Variants in SAMD3 observed in about 807,000 individuals in gnomAD.
SAMD3 encodes the protein sterile alpha motif domain containing 3.
In SAMD3, 63 loss-of-function variants were observed where a neutral mutation model predicts 58.5. The observed-to-expected ratio is 1.08, with a 90% CI of 0.88 to 1.33. The LOEUF (loss-of-function observed/expected upper bound fraction) is 1.33, where lower values mean the gene tolerates loss of function less well. SAMD3 is among the 40% of genes most tolerant of loss of function. SAMD3 has a pLI of 0.00. For missense variants in SAMD3, 604 were observed against 608.4 expected (o/e 0.99, Z 0.08); for synonymous variants, 220 against 210.3 (o/e 1.05, Z -0.40).
At position 130,340,030 on chromosome 6, in the gene SAMD3, G is replaced by A. The variant is rs527247877; in HGVS notation, c.-304+25090C>T. ...GAGGGCTCACTCAATGATATGCAGA[G>A]GATATAATCTCCACTAATCTTACTG... On this transcript the variant is annotated intron_variant, in intron 1 of 13. Coordinates refer to the SAMD3 transcript ENST00000368134. 2.6e-5 allele frequency among the ~76,000 whole-genome samples: 4 copies of A among 152,254 alleles called. No homozygotes were observed. In the South Asian group the frequency reaches 8.3e-4, roughly 32 times the overall value.
chr6:130,256,603 T>C (rs1773934639), intron 2 of SAMD3, among the ~76,000 whole-genome samples: 1 of 152,220 alleles, frequency 6.6e-6, no homozygotes, highest in South Asian at 2.1e-4. Flanking sequence ...TAGGAGAGTC[T>C]TTGTCCTCTT....
chr6:130,321,642 T>C (rs1287139297), intron 1 of SAMD3, among the ~76,000 whole-genome samples: 1 of 152,186 alleles, frequency 6.6e-6, no homozygotes, highest in Non-Finnish European at 1.5e-5. Flanking sequence ...AAGACATTTT[T>C]CATCATTCAA....
At chr6:130,350,473 T>C (rs1777617293) in intron 1 of SAMD3, among the ~76,000 whole-genome samples, 1 of 152,122 alleles carries the variant, frequency 6.6e-6, no homozygotes, top group Non-Finnish European at 1.5e-5. Flanking sequence ...CCATTCACAA[T>C]TGCTTCAAAG....
intron 5 of SAMD3, among the ~76,000 whole-genome samples, chr6:130,194,437 T>C (rs1043111756): frequency 7.9e-5 from 12 of 152,310 alleles, no homozygotes; most frequent in African/African-American, 2.2e-4. Context: ...CCTCAAACCC[T>C]ACAACAGGAT....
At chr6:130,337,696 G>A (rs1243479655) in intron 1 of SAMD3, among the ~76,000 whole-genome samples, 1 of 152,178 alleles carries the variant, frequency 6.6e-6, no homozygotes, top group Admixed American at 6.5e-5. Context: ...CTGGTCTCAG[G>A]TAGAGATGAG....
intron 5 of SAMD3, among the ~76,000 whole-genome samples, chr6:130,198,455 T>G (rs895161596): frequency 6.6e-6 from 1 of 152,194 alleles, no homozygotes; most frequent in African/African-American, 2.4e-5. Context: ...GTGATTCTCC[T>G]GCCTTGGCCT....
intron 2 of SAMD3, chr6:130,215,692 G>C: frequency 6.9e-7 from 1 of 1,444,666 alleles, no homozygotes; most frequent in Non-Finnish European, 9.1e-7. Flanking sequence ...GGAAGTGGTT[G>C]ACATTTACAG....
In SAMD3 at chr6:130,316,060, G is replaced by A. The variant is rs9483107; in HGVS notation, c.-303-2967C>T. On this transcript the variant is annotated intron_variant, in intron 1 of 13. Transcript: ENST00000368134. ...AATCCCAGCACTTCGGGAGGCCGAG[G>A]TGGGTGGATCACTTGAGGTCAGGAG... Among the ~76,000 whole-genome samples, 755 of 152,294 alleles carry A rather than the reference G, an allele frequency of 5.0e-3. 8 individuals carry two copies. Among genetic ancestry groups the A allele is most frequent in the African/African-American group, 0.017 (727 of 41,570 alleles).
At chr6:130,234,688 C>G (rs1172111914) in intron 2 of SAMD3, among the ~76,000 whole-genome samples, 1 of 152,222 alleles carries the variant, frequency 6.6e-6, no homozygotes, top group African/African-American at 2.4e-5. Context: ...CAGCCTACCA[C>G]TGGTTTCCTC....
At chr6:130,180,485 A>G (rs1428004168) in intron 7 of SAMD3, among the ~76,000 whole-genome samples, 1 of 151,944 alleles carries the variant, frequency 6.6e-6, no homozygotes, top group Non-Finnish European at 1.5e-5. Flanking sequence ...ACTTGCTTTT[A>G]AATGCTCAAC....
chr6:130,311,134 C>T (rs562774735), intron 2 of SAMD3, among the ~76,000 whole-genome samples: 49 of 152,174 alleles, frequency 3.2e-4, no homozygotes, highest in African/African-American at 1.1e-3. Context: ...CATGCACCTA[C>T]GGAGGGGAGG....
chr6:130,148,208 T>C (rs990720255), intron 9 of SAMD3, among the ~76,000 whole-genome samples: 5 of 152,208 alleles, frequency 3.3e-5, no homozygotes, highest in Non-Finnish European at 7.3e-5. Context: ...CATGGATTAG[T>C]TGGCTTTCTA....
At chr6:130,249,633 C>T (rs1309612385) in intron 2 of SAMD3, among the ~76,000 whole-genome samples, 1 of 152,028 alleles carries the variant, frequency 6.6e-6, no homozygotes, top group Non-Finnish European at 1.5e-5. Flanking sequence ...TGGGGCATAG[C>T]AATATGATAA....
intron 1 of SAMD3, among the ~76,000 whole-genome samples, chr6:130,344,071 A>T (rs1777365650): frequency 6.6e-6 from 1 of 152,178 alleles, no homozygotes; most frequent in Non-Finnish European, 1.5e-5. Flanking sequence ...CTTCAGGGAC[A>T]AAAGCTTTTC....
intron 1 of SAMD3, among the ~76,000 whole-genome samples, chr6:130,341,193 AT>A (rs1376713014): frequency 6.6e-6 from 1 of 152,100 alleles, no homozygotes; most frequent in African/African-American, 2.4e-5. Context: ...AAATAAATAA[AT>A]TAGTGATAAT....
chr6:130,335,008 G>T (rs370646703), intron 1 of SAMD3, among the ~76,000 whole-genome samples: 17 of 152,240 alleles, frequency 1.1e-4, no homozygotes, highest in South Asian at 1.0e-3. Flanking sequence ...AAAACACTTG[G>T]CAATATCAAT....
chr6:130,204,414 C>T (rs986995140), intron 5 of SAMD3, among the ~76,000 whole-genome samples: 1 of 152,220 alleles, frequency 6.6e-6, no homozygotes, highest in South Asian at 2.1e-4. Context: ...CATGACTAGC[C>T]TGGGCAACAT....
chr6:130,158,507 TAAG>T (rs1233228431), intron 8 of SAMD3, among the ~76,000 whole-genome samples: 3 of 152,050 alleles, frequency 2.0e-5, no homozygotes, highest in African/African-American at 7.2e-5. Flanking sequence ...CCATATGGCT[TAAG>T]AAGTTAAATT....
intron 1 of SAMD3, among the ~76,000 whole-genome samples, chr6:130,331,067 G>A (rs888404220): frequency 2.6e-5 from 4 of 152,178 alleles, no homozygotes; most frequent in African/African-American, 9.6e-5. Flanking sequence ...AATATTAAAG[G>A]AAGTTATAAC....
Sources: gnomAD v4.1 joint callset for allele counts (sites outside exome capture counted in the v4.1 genomes callset) on GRCh38, gnomAD v4.1.1 for gene constraint, MANE v1.5 for transcripts, NCBI Gene and HGNC (gene_info 2026-07-23, HGNC 2026-07-21) for gene names.